Variants in DOK7 observed in about 807,000 individuals in gnomAD.
DOK7 encodes protein Dok-7.
DOK7 carries 32 observed loss-of-function variants against 30.7 expected under a neutral mutation model. The ratio of observed to expected loss-of-function variants is 1.04; its 90% confidence interval spans 0.79 to 1.40. DOK7 has a LOEUF of 1.40. Among genes scored for constraint, DOK7 ranks in the 40% most tolerant of loss-of-function variants. The pLI is 0.00. For synonymous variants in DOK7, 447 were observed against 324.1 expected (o/e 1.38, Z -4.07); for missense variants, 1,007 against 699.2 (o/e 1.44, Z -4.97).
At chr4:3,496,835 G>T, downstream of DOK7, 1 of 1,535,830 alleles carries the variant, frequency 6.5e-7, no homozygotes. Flanking sequence ...GGCAGCCTCA[G>T]CCCCAGGACC....
chr4:3,480,848 G>A (rs1440516694), intron 4 of DOK7, among the ~76,000 whole-genome samples: 7 of 152,128 alleles, frequency 4.6e-5, no homozygotes, highest in Non-Finnish European at 1.0e-4. Context: ...CAGAGGCTGC[G>A]TGAGACTGAG....
At chr4:3,475,718 C>A (rs533475740) in intron 3 of DOK7, among the ~76,000 whole-genome samples, 92 of 152,270 alleles carry the variant, frequency 6.0e-4, no homozygotes, top group African/African-American at 2.2e-3. Flanking sequence ...GCTGGGGGAT[C>A]CCTGAGCCTC....
intron 2 of DOK7, among the ~76,000 whole-genome samples, chr4:3,463,820 C>G (rs1726117207): frequency 6.6e-6 from 1 of 152,126 alleles, no homozygotes. Flanking sequence ...CCCTGAGCCC[C>G]CCAGCAGAGC....
intron 2 of DOK7, among the ~76,000 whole-genome samples, chr4:3,467,226 C>T (rs1456659153): frequency 6.7e-6 from 1 of 149,738 alleles, no homozygotes; most frequent in Non-Finnish European, 1.5e-5. Context: ...ATGCCCCTGC[C>T]TTCCCTGGGC....
chr4:3,463,563 G>T lies in DOK7; in HGVS notation c.100+12G>T. The T allele has an allele frequency of 6.6e-7, 1 of 1,516,672 alleles. No individual in the cohort carries two copies. The highest frequency in any genetic ancestry group is 1.2e-5 in the South Asian group (1 of 83,162). The allele number at this position is 1,516,672 out of a possible 1,614,324, so 94.0% of individuals were successfully genotyped here. ...GTCGCCCGTGGCAGGTGAGCGGGGC[G>T]GGCGGGGGACGGGGGGCGCGGGGGT... On this transcript the variant is annotated intron_variant, in intron 2 of 6. Transcript: ENST00000340083.
At chr4:3,490,405 T>TTCCC (rs1728222522) in intron 6 of DOK7, among the ~76,000 whole-genome samples, 1 of 56,870 alleles carries the variant, frequency 1.8e-5, no homozygotes, top group Non-Finnish European at 3.4e-5. Context: ...AGTCCTTCTT[T>TTCCC]CACCCCCCCC....
chr4:3,477,568 C>T (rs1384228824), intron 4 of DOK7, among the ~76,000 whole-genome samples: 3 of 152,256 alleles, frequency 2.0e-5, no homozygotes, highest in African/African-American at 4.8e-5. Context: ...GGTCTTGTGG[C>T]AGGAGCCAGC....
At chr4:3,489,525 C>G in intron 5 of DOK7, 152 bp from the exon 6 acceptor site, 1 of 1,298,604 alleles carries the variant, frequency 7.7e-7, no homozygotes, top group Middle Eastern at 2.6e-4. Flanking sequence ...GAGGGCCAGC[C>G]TCTGGGATGA....
At chr4:3,490,116 A>ATTCCTTTCTTCACCCC (rs1728139829) in intron 6 of DOK7, among the ~76,000 whole-genome samples, 1 of 71,378 alleles carries the variant, frequency 1.4e-5, no homozygotes, top group Non-Finnish European at 2.8e-5. Context: ...ACCCCCATTC[A>ATTCCTTTCTTCACCCC]TTCCTTTTCT....
At position 3,492,664 on chromosome 4, in the gene DOK7, A is replaced by G. The variant is rs2109415474; in HGVS notation, c.773-95A>G. The G allele has an allele frequency of 5.8e-6, 9 of 1,550,730 alleles. No homozygotes were observed. The South Asian group carries it at 1.0e-4, about 18-fold the overall frequency. ...GCTGGAAGGGGTGGGGCGAGACCAGAGAGTGCTGGCCTGTGGGGGTCCACC... is the reference window on the plus strand; with the variant it reads ...GCTGGAAGGGGTGGGGCGAGACCAGGGAGTGCTGGCCTGTGGGGGTCCACC... On this transcript the variant is annotated intron_variant, in intron 6 of 6. Transcript: ENST00000340083.
intron 2 of DOK7, among the ~76,000 whole-genome samples, chr4:3,469,486 G>C (rs1381282753): frequency 6.6e-6 from 1 of 152,152 alleles, no homozygotes; most frequent in African/African-American, 2.4e-5. Context: ...CGGAGGGTGG[G>C]TGAGCAGGGC....
At chr4:3,494,713 T>C (rs1266925636), downstream of DOK7, among the ~76,000 whole-genome samples, 1 of 152,226 alleles carries the variant, frequency 6.6e-6, no homozygotes, top group Admixed American at 6.5e-5. Flanking sequence ...TGTGCACGTG[T>C]GGCACATTCC....
chr4:3,496,938 G>A (rs962607761), downstream of DOK7: 8 of 606,470 alleles, frequency 1.3e-5, no homozygotes, highest in African/African-American at 1.2e-4. Context: ...ATGGCAGCCA[G>A]AGTTTGACTA....
At chr4:3,491,345 GCCTGCTTGTTCCTTCCTTCCTCTGCTCCC>G (rs1222109056) in intron 6 of DOK7, among the ~76,000 whole-genome samples, 4 of 26,804 alleles carry the variant, frequency 1.5e-4, no homozygotes, top group Admixed American at 1.4e-3. Flanking sequence ...TTCCTTCTTC[GCCTGCTTGTTCCTTCCTTCCTCTGCTCCC>G]CCTGCTCGTT....
At chr4:3,490,502 C>CCTGCTCATTCATTCCTTTCTTCTCCCT (rs1560227201) in intron 6 of DOK7, among the ~76,000 whole-genome samples, 1 of 109,388 alleles carries the variant, frequency 9.1e-6, no homozygotes, top group Non-Finnish European at 1.9e-5. Flanking sequence ...TCCTTTTCCC[C>CCTGCTCATTCATTCCTTTCTTCTCCCT]CTGCTCATTC....
At position 3,473,646 on chromosome 4, in the gene DOK7, G is replaced by A. The variant is rs746461421; in HGVS notation, c.331+10G>A. Reference sequence around the variant, plus strand: ...TATGCGCTCGGCGAGGGTGAGTGACGGGGGCCGGGGCCGGGCGGGGGCTCC... The same window carrying A: ...TATGCGCTCGGCGAGGGTGAGTGACAGGGGCCGGGGCCGGGCGGGGGCTCC... On this transcript the variant is annotated intron_variant, in intron 3 of 6. Transcript: ENST00000340083. The A allele has an allele frequency of 3.8e-5, 59 of 1,542,584 alleles. No homozygotes were observed. Among genetic ancestry groups the A allele is most frequent in the South Asian group, 4.7e-5 (4 of 84,932 alleles).
chr4:3,488,495 A>T (rs528653503), intron 5 of DOK7, among the ~76,000 whole-genome samples: 1 of 152,152 alleles, frequency 6.6e-6, no homozygotes, highest in African/African-American at 2.4e-5. Flanking sequence ...AGCGCTGACC[A>T]TGGGGTCGGG....
downstream of DOK7, among the ~76,000 whole-genome samples, chr4:3,498,303 A>G (rs1399630721): frequency 6.6e-6 from 1 of 152,166 alleles, no homozygotes; most frequent in Non-Finnish European, 1.5e-5. Flanking sequence ...TGGGGGAGAT[A>G]CAGATACGGA....
rs199612030 is a variant in DOK7 at position 3,499,915 on chromosome 4, G to A, written c.1109-336G>A. Among the ~76,000 whole-genome samples, 155 of 152,042 alleles carry A rather than the reference G, an allele frequency of 1.0e-3. 1 individual carries two copies. The highest frequency in any genetic ancestry group is 3.2e-3 in the African/African-American group (131 of 41,486). ...TTGGTGGAGAGAGTTGGGAAGGTGC[G>A]GGGCGAGGGGCGCAGGGACAGAAGA... On this transcript the variant is annotated intron_variant, in intron 6 of 7. Transcript: ENST00000643608.
Sources: allele counts gnomAD v4.1 joint callset (sites outside exome capture counted in the v4.1 genomes callset), GRCh38; gene constraint gnomAD v4.1.1; transcripts MANE v1.5; gene names NCBI Gene and HGNC (gene_info 2026-07-23, HGNC 2026-07-21).